The following PTPRB variants were observed in gnomAD, a reference collection of about 807,000 sequenced individuals.
PTPRB encodes the protein protein tyrosine phosphatase receptor type B.
PTPRB carries 97 observed loss-of-function variants against 238.1 expected under a neutral mutation model. The observed-to-expected ratio is 0.41, with a 90% CI of 0.35 to 0.48. The LOEUF is 0.48. PTPRB is among the 20% of genes least tolerant of loss of function. The probability of loss-of-function intolerance (pLI) is 0.30; values close to 1 mark genes in which losing one functional copy is unlikely to be tolerated. For synonymous variants in PTPRB, 970 were observed against 995.4 expected (o/e 0.97, Z 0.48); for missense variants, 2,292 against 2,681.9 (o/e 0.85, Z 3.21).
chr12:70,581,347 T>G, intron 9 of PTPRB, 45 bp from the exon 10 acceptor site: 1 of 1,532,732 alleles, frequency 6.5e-7, no homozygotes. Context: ...CTTAGTCACC[T>G]TAAGAAAGTG....
At chr12:70,604,474 T>C (rs1156879827) in intron 4 of PTPRB, among the ~76,000 whole-genome samples, 2 of 152,190 alleles carry the variant, frequency 1.3e-5, no homozygotes, top group African/African-American at 4.8e-5. Flanking sequence ...GCAGATTCCC[T>C]CAGCTCTATT....
In PTPRB at chr12:70,520,623, A is replaced by T; in HGVS notation, c.*866T>A. On this transcript the variant is annotated 3_prime_UTR_variant, in exon 34 of 34. Transcript: ENST00000334414. ...AGAAACTAGTGTGTATAAATACATTACAGTATGGGTGTGGATGTTCACACT... is the reference window on the plus strand; with the variant it reads ...AGAAACTAGTGTGTATAAATACATTTCAGTATGGGTGTGGATGTTCACACT... The T allele has an allele frequency of 5.8e-6, 1 of 172,476 alleles. No individual in the cohort carries two copies. Among genetic ancestry groups the T allele is most frequent in the South Asian group, 1.3e-4 (1 of 7,434 alleles). 10.7% of individuals were successfully genotyped at this position (172,476 alleles called of 1,614,324 possible).
At chr12:70,626,465 C>T (rs1272197213) in intron 2 of PTPRB, among the ~76,000 whole-genome samples, 4 of 150,942 alleles carry the variant, frequency 2.7e-5, no homozygotes, top group Admixed American at 6.7e-5. Context: ...GGTTCCTCAT[C>T]GGTGGATTCA....
chr12:70,596,260 C>A lies in PTPRB; in HGVS notation c.1047G>T (p.Trp349Cys). 6.2e-7 allele frequency: 1 copy of A among 1,612,826 alleles called. No individual in the cohort carries two copies. The highest frequency in any genetic ancestry group is 8.5e-7 in the Non-Finnish European group (1 of 1,179,606). The change falls in exon 5 of 34, where the codon TGG becomes TGT. Residue 349 changes from tryptophan to cysteine, a missense_variant. Around this residue, in one of 4 missense-constraint regions of PTPRB, gnomAD observed 1,205 missense variants for 1,287.8 expected, o/e 0.94. Transcript: ENST00000334414. ...TGACTTTTCCGGAAGAAGGAGTCCA[C>A]CAAACATGCAAGCTGGTTGAAGTCG... is the stretch of plus-strand genomic sequence containing the variant. The part of the protein sequence containing the change: ...EKTTSTSLHV[W>C]WTPSSGKVTS...
chr12:70,630,537 C>T (rs564341737), intron 2 of PTPRB, among the ~76,000 whole-genome samples: 2 of 152,320 alleles, frequency 1.3e-5, no homozygotes, highest in South Asian at 2.1e-4. Flanking sequence ...CTCACCACTC[C>T]TATTCGACAT....
At chr12:70,563,787 C>T (rs1300666657) in intron 15 of PTPRB, among the ~76,000 whole-genome samples, 2 of 152,142 alleles carry the variant, frequency 1.3e-5, no homozygotes, top group Non-Finnish European at 2.9e-5. Flanking sequence ...CAATTAATGG[C>T]ATCATCTTCT....
chr12:70,545,865 G>A (rs1363973635), intron 21 of PTPRB, among the ~76,000 whole-genome samples: 3 of 152,170 alleles, frequency 2.0e-5, no homozygotes, highest in East Asian at 1.9e-4. Context: ...GGCTGGGAGC[G>A]GTGGCTCACG....
chr12:70,592,119 A>C (rs779887081), intron 7 of PTPRB, 163 bp downstream of exon 7: 35 of 915,682 alleles, frequency 3.8e-5, no homozygotes, highest in Non-Finnish European at 5.7e-5. Context: ...CAGTTGCCTA[A>C]GTGACTCAGA....
rs568996937 is a variant in PTPRB, at chr12:70,580,937, G to A, written c.2578+99C>T. 3.7e-6 allele frequency: 5 copies of A among 1,357,568 alleles called. No homozygotes were observed. In the South Asian group the frequency reaches 4.4e-5, roughly 12 times the overall value. 84.1% of individuals were successfully genotyped at this position (1,357,568 alleles called of 1,614,324 possible). On this transcript the variant is annotated intron_variant, in intron 10 of 33. Transcript: ENST00000334414. ...GAAACTTAGCTTTTGTAAAGGCCAG[G>A]GATGAGTCTGATTTTAGGATATTTC...
At position 70,576,630 on chromosome 12, in the gene PTPRB, C is replaced by T; in HGVS notation, c.2594G>A (p.Ser865Asn). Residue 865 changes from serine to asparagine, a missense_variant, in exon 11 of 34, where the codon AGT (serine) becomes AAT (asparagine). By Grantham distance (46) the Ser-to-Asn change is conservative. Around this residue, in one of 4 missense-constraint regions of PTPRB, gnomAD observed 1,205 missense variants for 1,287.8 expected, o/e 0.94. Transcript: ENST00000334414. ...VEGRTVPSSV[S>N]GVTVNNSGRN... ...ACCGGAATTGTTCACCGTTACTCCA[C>T]TCACACTGGAAGGGACTGTGATTTT... 6.8e-7 allele frequency: 1 copy of T among 1,480,178 alleles called. No individual in the cohort carries two copies. Among genetic ancestry groups the T allele is most frequent in the Non-Finnish European group, 9.0e-7 (1 of 1,112,302 alleles). 91.7% of individuals were successfully genotyped at this position (1,480,178 alleles called of 1,614,324 possible). A position where few individuals can be genotyped will look rare whatever the true frequency, so the allele number is the denominator to read the frequency against.
At chr12:70,544,821 A>G (rs564239960) in intron 21 of PTPRB, among the ~76,000 whole-genome samples, 158 bp from the exon 22 acceptor site, 129 of 152,322 alleles carry the variant, frequency 8.5e-4, no homozygotes, top group Non-Finnish European at 1.4e-3. Flanking sequence ...GCATTCATTC[A>G]TCAATTTATT....
At chr12:70,580,268 G>A (rs987354369) in intron 10 of PTPRB, among the ~76,000 whole-genome samples, 4 of 152,072 alleles carry the variant, frequency 2.6e-5, no homozygotes, top group Admixed American at 6.6e-5. Flanking sequence ...CTTGTTTAAC[G>A]TTGCTTATGA....
At chr12:70,578,390 G>A (rs1342408941) in intron 10 of PTPRB, among the ~76,000 whole-genome samples, 1 of 151,674 alleles carries the variant, frequency 6.6e-6, no homozygotes, top group African/African-American at 2.4e-5. Context: ...ACTAAAAGAG[G>A]CACCTTTCAA....
At chr12:70,599,053 G>C (rs1883261408) in intron 4 of PTPRB, among the ~76,000 whole-genome samples, 1 of 152,184 alleles carries the variant, frequency 6.6e-6, no homozygotes, top group Non-Finnish European at 1.5e-5. Flanking sequence ...TTTGCTGGCA[G>C]TTGTCCACTA....
Position 70,569,868 on chromosome 12 carries a change from A to G in PTPRB, c.3441T>C (p.Thr1147=). 6.2e-7 allele frequency: 1 copy of G among 1,613,948 alleles called. No individual in the cohort carries two copies. Among genetic ancestry groups the G allele is most frequent in the East Asian group, 2.2e-5 (1 of 44,886 alleles). The part of the protein sequence containing the change: ...GATDSLTVNW[T]PGGGDVDSYT... ...AGGAATCAACGTCTCCCCCACCAGG[A>G]GTCCAGTTCACCGTCAGGCTATCTG... The change falls in exon 14 of 34, where the codon ACT becomes ACC. Residue 1147 remains threonine, a synonymous_variant. Transcript: ENST00000334414.
At chr12:70,620,510 A>G (rs1884879571) in intron 3 of PTPRB, among the ~76,000 whole-genome samples, 1 of 147,854 alleles carries the variant, frequency 6.8e-6, no homozygotes, top group Admixed American at 6.7e-5. Flanking sequence ...TATTTGACAC[A>G]CTTAATTTTT....
At chr12:70,524,379 T>C in intron 33 of PTPRB, 92 bp downstream of exon 33, 1 of 1,358,676 alleles carries the variant, frequency 7.4e-7, no homozygotes, top group African/African-American at 1.5e-5. Flanking sequence ...CCTCCCAAAG[T>C]GCTGGGATTA....
chr12:70,559,977 C>T (rs12822277), intron 17 of PTPRB, among the ~76,000 whole-genome samples: 30,240 of 151,594 alleles, frequency 0.2, 3,173 homozygotes, highest in South Asian at 0.3. Flanking sequence ...GCTGGGATTA[C>T]AGGTGCCCAC....
At position 70,518,067 on chromosome 12, in the gene PTPRB, C is replaced by T. The variant is rs991338173; in HGVS notation, c.*3422G>A. On this transcript the variant is annotated 3_prime_UTR_variant, in exon 34 of 34. Coordinates refer to ENST00000334414, the MANE Select transcript of PTPRB (RefSeq NM_001109754.4). ...TGGGCTTTCTTCCGAGAGGTGATTACAAAATTTATCAAAGACCCTCCCAAA... is the reference window on the plus strand; with the variant it reads ...TGGGCTTTCTTCCGAGAGGTGATTATAAAATTTATCAAAGACCCTCCCAAA... The T allele has an allele frequency of 6.6e-6, 1 of 152,064 alleles. No homozygotes were observed. Among genetic ancestry groups the T allele is most frequent in the South Asian group, 2.1e-4 (1 of 4,818 alleles). 9.4% of individuals were successfully genotyped at this position (152,064 alleles called of 1,614,324 possible).
Sources: gnomAD v4.1 joint callset for allele counts (sites outside exome capture counted in the v4.1 genomes callset) on GRCh38, gnomAD v4.1.1 for gene constraint, gnomAD v4.1.1 regional missense constraint, MANE v1.5 for transcripts, NCBI Gene and HGNC (gene_info 2026-07-23, HGNC 2026-07-21) for gene names.